Variants in MFSD8 observed in about 807,000 individuals in gnomAD.
MFSD8 encodes major facilitator superfamily domain-containing protein 8.
MFSD8 carries 55 observed loss-of-function variants against 66.4 expected under a neutral mutation model. That is an observed-to-expected ratio of 0.83 (90% confidence interval 0.67 to 1.04). MFSD8 has a LOEUF of 1.04. MFSD8 is among the 50% of genes least tolerant of loss of function. The probability of loss-of-function intolerance (pLI) is 0.00; values close to 1 mark genes in which losing one functional copy is unlikely to be tolerated. For synonymous variants in MFSD8, 202 were observed against 212.8 expected, an observed-to-expected ratio of 0.95 and a Z score of 0.44; for missense variants, 550 against 627.6, an observed-to-expected ratio of 0.88 and a Z score of 1.32.
rs1296514095 is a variant in MFSD8, at chr4:127,957,564, G to C, written c.91C>G (p.His31Asp). 3 of 1,611,522 alleles carry C rather than the reference G, an allele frequency of 1.9e-6. No homozygotes were observed. Among genetic ancestry groups the C allele is most frequent in the Non-Finnish European group, 2.5e-6 (3 of 1,178,126 alleles). Residue 31 changes from histidine (H) to aspartate (D), a missense_variant, in exon 2 of 12, where the codon CAT (histidine) becomes GAT (aspartate). Coordinates refer to ENST00000641686, the MANE Select transcript of MFSD8 (RefSeq NM_001371596.2). ...REWDILETEE[H>D]YKSRWRSIRI... Reference sequence around the variant, plus strand: ...ATAGATCTCCATCGGCTCTTATAATGCTCTTCAGTCTCTAAAATGTCCCAT... The same window carrying C: ...ATAGATCTCCATCGGCTCTTATAATCCTCTTCAGTCTCTAAAATGTCCCAT...
intron 8 of MFSD8, chr4:127,932,354 T>C (rs1211270448): frequency 6.6e-6 from 1 of 152,232 alleles, no homozygotes; most frequent in African/African-American, 2.4e-5. Flanking sequence ...TAGATACATG[T>C]ATATACATAC....
At chr4:127,936,859 A>G (rs1739164246) in intron 7 of MFSD8, among the ~76,000 whole-genome samples, 1 of 152,134 alleles carries the variant, frequency 6.6e-6, no homozygotes, top group South Asian at 2.1e-4. Context: ...GCACTGATGT[A>G]TATCATTATC....
chr4:127,964,945 C>T, intron 1 of MFSD8, 127 bp downstream of exon 1: 1 of 1,147,708 alleles, frequency 8.7e-7, no homozygotes, highest in East Asian at 2.6e-5. Flanking sequence ...ACAACCCAGC[C>T]ACCGGCTCCC....
At chr4:127,921,131 G>C (rs575691213) in intron 11 of MFSD8, 2 of 554,634 alleles carry the variant, frequency 3.6e-6, no homozygotes, top group South Asian at 2.3e-5. Context: ...CTACATGCCA[G>C]TCACTGAGGT....
chr4:127,938,632 TAAA>T (rs1739559370), intron 7 of MFSD8, 148 bp downstream of exon 7: 1 of 291,310 alleles, frequency 3.4e-6, no homozygotes, highest in Admixed American at 5.1e-5. Context: ...AATAAATAAA[TAAA>T]TTTAGGTCAC....
At chr4:127,928,078 T>G (rs894347678) in intron 9 of MFSD8, among the ~76,000 whole-genome samples, 4 of 152,254 alleles carry the variant, frequency 2.6e-5, no homozygotes, top group Admixed American at 1.3e-4. Context: ...AGATGAAATC[T>G]CACTCTGTCA....
At chr4:127,965,308 C>G, upstream of MFSD8, 1 of 756,834 alleles carries the variant, frequency 1.3e-6, no homozygotes, top group Non-Finnish European at 2.2e-6. Context: ...GGCCGGGCAG[C>G]GCAGGGCGAA....
chr4:127,933,975 T>C (rs1037249200), intron 7 of MFSD8, among the ~76,000 whole-genome samples: 1 of 152,064 alleles, frequency 6.6e-6, no homozygotes, highest in Non-Finnish European at 1.5e-5. Context: ...TACATGTGGA[T>C]TACATGTGGA....
chr4:127,925,916 A>T (rs999836782), intron 9 of MFSD8, among the ~76,000 whole-genome samples: 15 of 152,182 alleles, frequency 9.9e-5, no homozygotes, highest in South Asian at 2.1e-4. Flanking sequence ...GCCATAAAAA[A>T]GGATGAGTTC....
intron 9 of MFSD8, among the ~76,000 whole-genome samples, chr4:127,927,232 G>A (rs1737361240): frequency 6.6e-6 from 1 of 151,890 alleles, no homozygotes; most frequent in Non-Finnish European, 1.5e-5. Flanking sequence ...TGTCATCCAG[G>A]CTGGAATGCA....
chr4:127,959,412 G>C lies in MFSD8; in HGVS notation c.63-1820C>G, dbSNP rs1743386441. On this transcript the variant is annotated intron_variant, in intron 1 of 11. Coordinates refer to ENST00000641686, the MANE Select transcript of MFSD8 (RefSeq NM_001371596.2). ...TTTTTTTTATTTTTGTTTTTTTAAA[G>C]AATATAAGGTATATTTTTGGAACAA... Among the ~76,000 whole-genome samples the C allele has an allele frequency of 2.0e-5, 3 of 152,046 alleles. No individual in the cohort carries two copies. In the South Asian group the frequency reaches 6.2e-4, roughly 32 times the overall value.
rs898165183 is a variant in MFSD8 at position 127,920,929 on chromosome 4, A to G, written c.1351-93T>C. 4.2e-6 allele frequency: 5 copies of G among 1,189,088 alleles called. No individual in the cohort carries two copies. In the African/African-American group the frequency reaches 6.1e-5, roughly 14 times the overall value. 73.7% of individuals were successfully genotyped at this position (1,189,088 alleles called of 1,614,324 possible). On this transcript the variant is annotated intron_variant, in intron 11 of 11. Coordinates refer to ENST00000641686, the MANE Select transcript of MFSD8 (RefSeq NM_001371596.2). ...GGTATTACCAAACTACAGCAAACTTACAAGAATCATTTCTGCATCTTTTAC... is the reference window on the plus strand; with the variant it reads ...GGTATTACCAAACTACAGCAAACTTGCAAGAATCATTTCTGCATCTTTTAC...
chr4:127,932,078 T>C, intron 8 of MFSD8, among the ~76,000 whole-genome samples: 1 of 152,170 alleles, frequency 6.6e-6, no homozygotes, highest in Non-Finnish European at 1.5e-5. Context: ...ACCACTGCAC[T>C]CCAGCCTGGG....
rs1737970556 is a variant in MFSD8, at chr4:127,930,680, T to G, written c.998+3A>C. ...GACATAAAACCAAAAACACTTAACTTACTTTTTGGAAAGCAACTTAACTCC... is the reference window on the plus strand; with the variant it reads ...GACATAAAACCAAAAACACTTAACTGACTTTTTGGAAAGCAACTTAACTCC... On this transcript the variant is annotated splice_donor_region_variant and intron_variant, in intron 9 of 11. Transcript: ENST00000641686. 1 of 1,613,486 alleles carries G rather than the reference T, an allele frequency of 6.2e-7. No homozygotes were observed. Among genetic ancestry groups the G allele is most frequent in the Non-Finnish European group, 8.5e-7 (1 of 1,179,780 alleles).
At chr4:127,961,057 T>C (rs1398342977) in intron 1 of MFSD8, among the ~76,000 whole-genome samples, 3 of 152,008 alleles carry the variant, frequency 2.0e-5, no homozygotes, top group African/African-American at 4.8e-5. Context: ...TAAAGCTCCA[T>C]AGAGGGGGTC....
intron 1 of MFSD8, among the ~76,000 whole-genome samples, chr4:127,958,378 A>G (rs186144912): frequency 6.6e-6 from 1 of 152,318 alleles, no homozygotes; most frequent in Admixed American, 6.5e-5. Flanking sequence ...TGCAGAACAG[A>G]CAAAATGCCT....
chr4:127,930,545 T>C, intron 9 of MFSD8, 138 bp downstream of exon 9: 2 of 950,934 alleles, frequency 2.1e-6, no homozygotes, highest in Admixed American at 2.7e-5. Context: ...AGAAATATGA[T>C]AATCTCTTAA....
chr4:127,925,218 C>A lies in MFSD8; in HGVS notation c.999-3255G>T, dbSNP rs1331315342. 2.0e-5 allele frequency among the ~76,000 whole-genome samples: 3 copies of A among 152,064 alleles called. No homozygotes were observed. The East Asian group carries it at 5.8e-4, about 29-fold the overall frequency. On this transcript the variant is annotated intron_variant, in intron 9 of 11. Transcript: ENST00000641686. ...ATGTCTAAAACACCAAAAGCAATGG[C>A]AACAAAAACCAAAATTGATAAATGG...
chr4:127,953,237 C>G (rs1157843390), intron 2 of MFSD8, among the ~76,000 whole-genome samples: 3 of 151,980 alleles, frequency 2.0e-5, no homozygotes, highest in Non-Finnish European at 4.4e-5. Context: ...ACCTGTAATC[C>G]TAGCACTTTG....
Sources: gnomAD v4.1 joint callset for allele counts (sites outside exome capture counted in the v4.1 genomes callset) on GRCh38, gnomAD v4.1.1 for gene constraint, MANE v1.5 for transcripts, NCBI Gene and HGNC (gene_info 2026-07-23, HGNC 2026-07-21) for gene names.